GRID2: variants seen among roughly 807,000 people sequenced by gnomAD.
GRID2 encodes glutamate receptor ionotropic, delta-2.
In GRID2, 33 loss-of-function variants were observed where a neutral mutation model predicts 114.8. That is an observed-to-expected ratio of 0.29 (90% confidence interval 0.22 to 0.38). The LOEUF is 0.38. GRID2 is among the 10% of genes least tolerant of loss of function. GRID2 has a pLI of 1.00. For missense variants in GRID2, 1,184 were observed against 1,257.7 expected (o/e 0.94, Z 0.89); for synonymous variants, 505 against 449.9 (o/e 1.12, Z -1.55).
At chr4:93,307,175 C>G (rs1755521419) in intron 8 of GRID2, among the ~76,000 whole-genome samples, 1 of 150,078 alleles carries the variant, frequency 6.7e-6, no homozygotes, top group African/African-American at 2.5e-5. Context: ...ACACTCCAGC[C>G]TGGGCTACAG....
At chr4:92,401,167 A>G in intron 1 of GRID2, among the ~76,000 whole-genome samples, 1 of 152,146 alleles carries the variant, frequency 6.6e-6, no homozygotes, top group East Asian at 1.9e-4. Context: ...TGCCTAATCC[A>G]AGGTCACAAG....
At position 92,652,899 on chromosome 4, in the gene GRID2, TATAA is replaced by T. The variant is rs1259465508; in HGVS notation, c.244+62617_244+62620del. On this transcript the variant is annotated intron_variant, in intron 2 of 15. Transcript: ENST00000282020. ...ATATAAAAATATATTTATAAATACATATAAATATATATTTATAAATACATATAAA... is the reference window on the plus strand; with the variant it reads ...ATATAAAAATATATTTATAAATACATATATATATTTATAAATACATATAAA... Among the ~76,000 whole-genome samples, 610 of 140,340 alleles carry T rather than the reference TATAA, an allele frequency of 4.3e-3. 23 individuals carry two copies. The highest frequency in any genetic ancestry group is 6.9e-3 in the Non-Finnish European group (445 of 64,798). 92.1% of individuals were successfully genotyped at this position (140,340 alleles called of 152,430 possible).
At chr4:93,607,423 C>A (rs191284067) in intron 13 of GRID2, among the ~76,000 whole-genome samples, 2 of 152,154 alleles carry the variant, frequency 1.3e-5, no homozygotes, top group East Asian at 1.9e-4. Context: ...TGTTTCCTGG[C>A]AGGAACACAT....
intron 2 of GRID2, among the ~76,000 whole-genome samples, chr4:92,947,781 G>C (rs562143870): frequency 6.6e-6 from 1 of 151,544 alleles, no homozygotes; most frequent in Non-Finnish European, 1.5e-5. Context: ...ACAATAAAAG[G>C]GTGCATTAGA....
intron 4 of GRID2, among the ~76,000 whole-genome samples, chr4:93,144,954 C>A (rs1448384956): frequency 6.6e-6 from 1 of 151,406 alleles, no homozygotes; most frequent in African/African-American, 2.4e-5. Flanking sequence ...AACCACAGGC[C>A]AAAACAAAAC....
At chr4:92,966,081 C>A (rs1307744315) in intron 2 of GRID2, among the ~76,000 whole-genome samples, 1 of 151,882 alleles carries the variant, frequency 6.6e-6, no homozygotes, top group Non-Finnish European at 1.5e-5. Context: ...TGATATGAAT[C>A]TGTATCTGAA....
intron 14 of GRID2, among the ~76,000 whole-genome samples, chr4:93,669,690 T>C (rs1724239499): frequency 6.6e-6 from 1 of 152,164 alleles, no homozygotes; most frequent in African/African-American, 2.4e-5. Context: ...TTATTTCATG[T>C]AGCAATTTTC....
rs958221802 is a variant in GRID2, at chr4:93,002,772, A to G, written c.245-82223A>G. Among the ~76,000 whole-genome samples, 10 of 151,848 alleles carry G rather than the reference A, an allele frequency of 6.6e-5. No individual in the cohort carries two copies. The South Asian group carries it at 1.5e-3, about 22-fold the overall frequency. On this transcript the variant is annotated intron_variant, in intron 2 of 15. Coordinates refer to ENST00000282020, the MANE Select transcript of GRID2 (RefSeq NM_001510.4). ...AACAAATTACCACAGGCTCTGTGGC[A>G]TAAAACAGTGCTTTATTTTCTTACA...
chr4:92,998,307 G>A (rs1222356826), intron 2 of GRID2, among the ~76,000 whole-genome samples: 3 of 151,462 alleles, frequency 2.0e-5, no homozygotes, highest in Non-Finnish European at 4.4e-5. Flanking sequence ...TATGTATTTT[G>A]AACTATTTTC....
intron 1 of GRID2, among the ~76,000 whole-genome samples, chr4:92,306,831 G>C (rs765165260): frequency 1.6e-4 from 25 of 152,072 alleles, no homozygotes; most frequent in Non-Finnish European, 3.2e-4. Context: ...TTAGAAAGTT[G>C]GTTGTATACA....
intron 2 of GRID2, among the ~76,000 whole-genome samples, chr4:92,880,407 A>C (rs909002436): frequency 1.3e-4 from 20 of 152,114 alleles, no homozygotes; most frequent in Admixed American, 1.2e-3. Flanking sequence ...TCAGTGAACA[A>C]ATTTTTTTCC....
chr4:92,599,603 C>T (rs1203950641), intron 2 of GRID2, among the ~76,000 whole-genome samples: 1 of 152,116 alleles, frequency 6.6e-6, no homozygotes, highest in Non-Finnish European at 1.5e-5. Flanking sequence ...ATTTATGCCT[C>T]ACTTCAAAAC....
At chr4:92,665,743 A>G (rs2149272254) in intron 2 of GRID2, among the ~76,000 whole-genome samples, 1 of 151,224 alleles carries the variant, frequency 6.6e-6, no homozygotes, top group African/African-American at 2.4e-5. Flanking sequence ...TTTAAATATA[A>G]TAGTCCATTG....
rs115261438 is a variant in GRID2 at position 92,840,525 on chromosome 4, A to C, written c.245-244470A>C. On this transcript the variant is annotated intron_variant, in intron 2 of 15. Coordinates refer to ENST00000282020, the MANE Select transcript of GRID2 (RefSeq NM_001510.4). ...TCAATTATTCCCAAACTCCAGATGA[A>C]CTGTCTTTTTGAAACTCAGTTACTT... is the stretch of plus-strand genomic sequence containing the variant. 4.5e-3 allele frequency among the ~76,000 whole-genome samples: 683 copies of C among 152,084 alleles called. 9 individuals are homozygous for C. The highest frequency in any genetic ancestry group is 4.0e-3 in the Non-Finnish European group (270 of 67,972).
At chr4:93,249,656 A>T (rs1289679447) in intron 8 of GRID2, among the ~76,000 whole-genome samples, 2 of 152,138 alleles carry the variant, frequency 1.3e-5, no homozygotes, top group Non-Finnish European at 2.9e-5. Flanking sequence ...TACAAGAAAA[A>T]TAAACAACCC....
At chr4:92,803,290 G>A (rs767442220) in intron 2 of GRID2, among the ~76,000 whole-genome samples, 3 of 151,816 alleles carry the variant, frequency 2.0e-5, no homozygotes, top group Non-Finnish European at 4.4e-5. Context: ...ACAAAAGTAA[G>A]GTGTAATTCA....
At chr4:92,754,452 A>T (rs1393778609) in intron 2 of GRID2, among the ~76,000 whole-genome samples, 2 of 152,156 alleles carry the variant, frequency 1.3e-5, no homozygotes, top group Admixed American at 6.6e-5. Flanking sequence ...GATCAAAACT[A>T]TCTAGGTTCA....
chr4:93,193,509 G>A (rs1193997570), intron 4 of GRID2, among the ~76,000 whole-genome samples: 1 of 152,060 alleles, frequency 6.6e-6, no homozygotes, highest in Non-Finnish European at 1.5e-5. Context: ...TGTGAAGAAG[G>A]ACGTGTTTGC....
At chr4:92,970,714 T>C (rs1436821696) in intron 2 of GRID2, among the ~76,000 whole-genome samples, 2 of 151,990 alleles carry the variant, frequency 1.3e-5, no homozygotes, top group East Asian at 1.9e-4. Context: ...TGCACTGATA[T>C]AAAGCTAACT....
Sources: allele counts gnomAD v4.1 joint callset (sites outside exome capture counted in the v4.1 genomes callset), GRCh38; gene constraint gnomAD v4.1.1; transcripts MANE v1.5; gene names NCBI Gene and HGNC (gene_info 2026-07-23, HGNC 2026-07-21).